RGS8: variants seen among roughly 807,000 people sequenced by gnomAD.
RGS8 encodes the protein regulator of G protein signaling 8.
Under a neutral mutation model 21.7 loss-of-function variants are expected in RGS8, and 8 were observed. The ratio of observed to expected loss-of-function variants is 0.37; its 90% confidence interval spans 0.22 to 0.66. The LOEUF (loss-of-function observed/expected upper bound fraction) is 0.66. Among genes scored for constraint, RGS8 ranks in the 30% least tolerant of loss-of-function variants. The probability of loss-of-function intolerance (pLI) is 0.59; values close to 1 mark genes in which losing one functional copy is unlikely to be tolerated. For synonymous variants in RGS8, 80 were observed against 83.6 expected (o/e 0.96, Z 0.24); for missense variants, 157 against 217.9 (o/e 0.72, Z 1.76).
intron 6 of RGS8, among the ~76,000 whole-genome samples, chr1:182,647,254 C>T (rs916961584): frequency 6.6e-6 from 1 of 152,226 alleles, no homozygotes; most frequent in African/African-American, 2.4e-5. Flanking sequence ...CCATGGCAGG[C>T]AAAGGGATAG....
intron 6 of RGS8, among the ~76,000 whole-genome samples, chr1:182,647,279 C>T (rs4652740): frequency 0.074 from 11,266 of 152,250 alleles, 794 homozygotes; most frequent in African/African-American, 0.17. Flanking sequence ...AAGCCAGTTG[C>T]TAACGCAAGT....
At chr1:182,730,710 CAA>C in the RGS8 span, among the ~76,000 whole-genome samples, 824 of 110,576 alleles carry the variant, frequency 7.5e-3, 12 homozygotes, top group African/African-American at 0.025. Context: ...GACTGCATCT[CAA>C]AAAAAAAAAA....
chr1:182,655,237 C>T (rs912228714), intron 5 of RGS8, among the ~76,000 whole-genome samples: 1 of 152,206 alleles, frequency 6.6e-6, no homozygotes, highest in Non-Finnish European at 1.5e-5. Context: ...CTCTGTGTGA[C>T]AGTAACCTGA....
chr1:182,710,566 C>T, the RGS8 span, among the ~76,000 whole-genome samples: 1 of 152,202 alleles, frequency 6.6e-6, no homozygotes, highest in Non-Finnish European at 1.5e-5. Flanking sequence ...AAAGATCCCT[C>T]TCCCACCAAT....
At chr1:182,742,897 A>G in the RGS8 span, among the ~76,000 whole-genome samples, 1 of 152,230 alleles carries the variant, frequency 6.6e-6, no homozygotes, top group African/African-American at 2.4e-5. Flanking sequence ...AAACTGTAAC[A>G]ATCAGGGGAC....
At position 182,666,953 on chromosome 1, in the gene RGS8, C is replaced by T. The variant is rs751078612; in HGVS notation, c.47G>A (p.Arg16Gln). The T allele has an allele frequency of 6.8e-6, 11 of 1,613,970 alleles. 2 individuals carry two copies. In the South Asian group the frequency reaches 1.1e-4, roughly 16 times the overall value. ...TGACTTGTGAGACAGGCATCCCAGT[C>T]GAGTCCTCATCCCTTTGTTCCTGCA... Residue 16 changes from arginine (R) to glutamine (Q), a missense_variant, in exon 4 of 7, where the codon CGA becomes CAA. Transcript: ENST00000483095.
intron 3 of RGS8, 150 bp from the exon 5 acceptor site, chr1:182,667,123 G>A: frequency 1.6e-6 from 1 of 645,066 alleles, no homozygotes; most frequent in South Asian, 1.8e-5. Context: ...AACAGGAAGA[G>A]ACCACCTAGA....
At chr1:182,723,933 G>A in the RGS8 span, among the ~76,000 whole-genome samples, 1 of 151,988 alleles carries the variant, frequency 6.6e-6, no homozygotes, top group African/African-American at 2.4e-5. Flanking sequence ...CCCCCAAAAC[G>A]AGAATAGGTT....
At chr1:182,728,649 T>A in the RGS8 span, among the ~76,000 whole-genome samples, 1 of 152,126 alleles carries the variant, frequency 6.6e-6, no homozygotes, top group South Asian at 2.1e-4. Context: ...ATAGTATTCT[T>A]TAAAGATTCA....
chr1:182,695,411 T>C, the RGS8 span, among the ~76,000 whole-genome samples: 7 of 152,304 alleles, frequency 4.6e-5, no homozygotes, highest in South Asian at 2.1e-4. Flanking sequence ...CTCAGAGCTA[T>C]TGGAGCTCAG....
At chr1:182,734,653 A>G in the RGS8 span, 1 of 152,204 alleles carries the variant, frequency 6.6e-6, no homozygotes, top group African/African-American at 2.4e-5. Context: ...ATCTTCCTGT[A>G]ATAGAATCTA....
chr1:182,695,754 G>A, the RGS8 span, among the ~76,000 whole-genome samples: 1 of 152,238 alleles, frequency 6.6e-6, no homozygotes, highest in Non-Finnish European at 1.5e-5. Flanking sequence ...CCATTTCTTA[G>A]TGCATACCAA....
the RGS8 span, among the ~76,000 whole-genome samples, chr1:182,719,773 C>T: frequency 1.3e-5 from 2 of 151,980 alleles, no homozygotes; most frequent in Non-Finnish European, 1.5e-5. Context: ...AAAAAAAACA[C>T]TGTTGCAGAG....
At chr1:182,733,389 A>T in the RGS8 span, among the ~76,000 whole-genome samples, 96 of 152,326 alleles carry the variant, frequency 6.3e-4, no homozygotes, top group African/African-American at 2.3e-3. Context: ...CATCTGCTAT[A>T]TGTTTACTGG....
chr1:182,719,462 T>TC, the RGS8 span, among the ~76,000 whole-genome samples: 1,527 of 36,216 alleles, frequency 0.042, 23 homozygotes, highest in African/African-American at 0.22. Context: ...TTCTTTCTTC[T>TC]TTTTTTTTTT....
chr1:182,705,412 TA>T, the RGS8 span, among the ~76,000 whole-genome samples: 3 of 152,222 alleles, frequency 2.0e-5, no homozygotes, highest in Non-Finnish European at 1.5e-5. Context: ...TTATTCCGTC[TA>T]CAGATTCATG....
At chr1:182,739,403 G>A in the RGS8 span, among the ~76,000 whole-genome samples, 7 of 152,132 alleles carry the variant, frequency 4.6e-5, no homozygotes, top group Admixed American at 6.5e-5. Flanking sequence ...CTGGGGCCCC[G>A]ACCTTGAGTA....
chr1:182,733,898 A>G, the RGS8 span: 2 of 151,286 alleles, frequency 1.3e-5, no homozygotes, highest in Admixed American at 6.6e-5. Flanking sequence ...TTATTTATTT[A>G]TTTATTTATT....
chr1:182,659,430 G>A (rs1213550181), intron 5 of RGS8, among the ~76,000 whole-genome samples: 1 of 152,234 alleles, frequency 6.6e-6, no homozygotes, highest in Non-Finnish European at 1.5e-5. Flanking sequence ...GCCGGGCGCG[G>A]TGGCTCACGC....
Sources: allele counts gnomAD v4.1 joint callset (sites outside exome capture counted in the v4.1 genomes callset), GRCh38; gene constraint gnomAD v4.1.1; transcripts MANE v1.5; gene names NCBI Gene and HGNC (gene_info 2026-07-23, HGNC 2026-07-21).